Variants in FREM1 observed in about 807,000 individuals in gnomAD.
FREM1 encodes FRAS1 related extracellular matrix 1.
FREM1 carries 220 observed loss-of-function variants against 210.1 expected under a neutral mutation model. The observed-to-expected ratio is 1.05, with a 90% CI of 0.94 to 1.17. The LOEUF (loss-of-function observed/expected upper bound fraction) is 1.17, where lower values mean the gene tolerates loss of function less well. Ranked by LOEUF, FREM1 falls within the 50% of genes most tolerant of loss-of-function variation. The probability of loss-of-function intolerance (pLI) is 0.00; values close to 1 mark genes in which losing one functional copy is unlikely to be tolerated. For missense variants in FREM1, 3,454 were observed against 2,675.5 expected (o/e 1.29, Z -6.42); for synonymous variants, 1,189 against 980.2 (o/e 1.21, Z -3.98).
intron 19 of FREM1, among the ~76,000 whole-genome samples, chr9:14,804,236 A>G (rs1431381183): frequency 6.6e-6 from 1 of 152,184 alleles, no homozygotes; most frequent in Non-Finnish European, 1.5e-5. Context: ...CCCGTAACAC[A>G]CAGGACTTCA....
chr9:14,813,785 C>T (rs899580148), intron 15 of FREM1, among the ~76,000 whole-genome samples: 3 of 152,192 alleles, frequency 2.0e-5, no homozygotes, highest in Admixed American at 2.0e-4. Context: ...GACAACCCCC[C>T]TCTGAGTTCA....
rs12236637 is a variant in FREM1, at chr9:14,826,642, G to T, written c.1882-1650C>A. On this transcript the variant is annotated intron_variant, in intron 10 of 36. Transcript: ENST00000380880. Reference sequence around the variant, plus strand: ...TTGTGTTTTCTCTGGAATTTAAGTTGAAACTTAATTTCCAATACAAGATTA... The same window carrying T: ...TTGTGTTTTCTCTGGAATTTAAGTTTAAACTTAATTTCCAATACAAGATTA... 1.4e-3 allele frequency among the ~76,000 whole-genome samples: 212 copies of T among 152,198 alleles called. 4 individuals carry two copies. In the East Asian group the frequency reaches 0.035, roughly 25 times the overall value.
At chr9:14,888,156 A>G (rs953992376) in intron 1 of FREM1, among the ~76,000 whole-genome samples, 1 of 152,162 alleles carries the variant, frequency 6.6e-6, no homozygotes, top group Non-Finnish European at 1.5e-5. Context: ...TACTTTACAT[A>G]TATTATATTG....
At chr9:14,769,295 G>C (rs145966222) in intron 27 of FREM1, among the ~76,000 whole-genome samples, 1 of 152,098 alleles carries the variant, frequency 6.6e-6, no homozygotes, top group Non-Finnish European at 1.5e-5. Context: ...GAAGATGTTT[G>C]GCTAACTCTT....
chr9:14,792,784 C>A lies in FREM1; in HGVS notation c.3940G>T (p.Val1314Leu), dbSNP rs1851655511. 2.5e-6 allele frequency: 4 copies of A among 1,606,128 alleles called. No individual in the cohort carries two copies. The highest frequency in any genetic ancestry group is 3.4e-6 in the Non-Finnish European group (4 of 1,176,862). Residue 1314 changes from valine to leucine, a missense_variant, in exon 22 of 37, where the codon GTA (valine) becomes TTA (leucine). Physicochemically the swap from Val to Leu is conservative, Grantham distance 32. Coordinates refer to ENST00000380880, the MANE Select transcript of FREM1 (RefSeq NM_001379081.2). ...CCATTTTGGGGAAGCCTTTCAAATA[C>A]ATAGTAAATCTTCTCCCTGGGTGAG... ...EDSPREKIYY[V>L]FERLPQNGQL...
chr9:14,798,152 A>C (rs1362051075), intron 20 of FREM1, among the ~76,000 whole-genome samples: 1 of 152,204 alleles, frequency 6.6e-6, no homozygotes, highest in African/African-American at 2.4e-5. Flanking sequence ...TCACATTTTC[A>C]AAACTTACTT....
Position 14,843,469 on chromosome 9 carries a change from C to G in FREM1, c.1394-809G>C, listed in dbSNP as rs751768626. Among the ~76,000 whole-genome samples, 22 of 151,682 alleles carry G rather than the reference C, an allele frequency of 1.5e-4. 1 individual carries two copies. Among genetic ancestry groups the G allele is most frequent in the Admixed American group, 5.3e-4 (8 of 15,220 alleles). ...GCCTCCGCAATTACATAAGCCAATT[C>G]CCAGAATAAATCACCTCATAGATAG... On this transcript the variant is annotated intron_variant, in intron 8 of 36. Coordinates refer to ENST00000380880, the MANE Select transcript of FREM1 (RefSeq NM_001379081.2).
chr9:14,820,303 C>A (rs971611250), intron 13 of FREM1, among the ~76,000 whole-genome samples: 1 of 152,148 alleles, frequency 6.6e-6, no homozygotes, highest in Non-Finnish European at 1.5e-5. Context: ...TGTATTGCTA[C>A]GCAGAAGTGA....
intron 1 of FREM1, among the ~76,000 whole-genome samples, chr9:14,873,858 G>T (rs1833192343): frequency 6.6e-6 from 1 of 151,980 alleles, no homozygotes; most frequent in South Asian, 2.1e-4. Context: ...AGAGATTCTG[G>T]TATGTTTTGT....
At chr9:14,738,371 T>C (rs200758599) in intron 36 of FREM1, among the ~76,000 whole-genome samples, 3 of 151,740 alleles carry the variant, frequency 2.0e-5, no homozygotes, top group African/African-American at 4.8e-5. Flanking sequence ...CATTTTACCT[T>C]CCCCAACTGT....
chr9:14,876,568 A>C (rs1419669747), intron 1 of FREM1, among the ~76,000 whole-genome samples: 1 of 152,168 alleles, frequency 6.6e-6, no homozygotes, highest in Non-Finnish European at 1.5e-5. Flanking sequence ...CCAATCTTCC[A>C]GGTGCCGTCT....
At chr9:14,841,695 T>C (rs973080776) in intron 9 of FREM1, 106 bp from the exon 10 acceptor site, 6 of 728,284 alleles carry the variant, frequency 8.2e-6, no homozygotes, top group Non-Finnish European at 1.0e-5. Flanking sequence ...TAGTACATTC[T>C]ATGTACCCAA....
chr9:14,758,190 G>C (rs1192324299), intron 28 of FREM1, among the ~76,000 whole-genome samples: 2 of 152,166 alleles, frequency 1.3e-5, no homozygotes, highest in Non-Finnish European at 2.9e-5. Context: ...GCTCAGGGTA[G>C]AGTTGTCCTG....
chr9:14,779,825 C>T (rs1849363493), intron 24 of FREM1, among the ~76,000 whole-genome samples: 1 of 152,168 alleles, frequency 6.6e-6, no homozygotes, highest in Non-Finnish European at 1.5e-5. Context: ...CAGTGCTGAC[C>T]TAAAGCTAAT....
At position 14,740,166 on chromosome 9, in the gene FREM1, C is replaced by T. The variant is rs751365020; in HGVS notation, c.6323G>A (p.Arg2108Lys). The change falls in exon 36 of 37, where the codon AGA becomes AAA. Residue 2108 changes from arginine (R) to lysine (K), a missense_variant. Physicochemically the swap from Arg to Lys is conservative, Grantham distance 26 (BLOSUM62 2). Coordinates refer to ENST00000380880, the MANE Select transcript of FREM1 (RefSeq NM_001379081.2). ...ATACTTGCCTATCCAAAAGGACTTTCTCCCACCAATGTCCCAGAGCCACCG... is the reference window on the plus strand; with the variant it reads ...ATACTTGCCTATCCAAAAGGACTTTTTCCCACCAATGTCCCAGAGCCACCG... Reference protein sequence around the residue: ...HMRWLWDIGGRKSFWIGLNDQ... With the variant: ...HMRWLWDIGGKKSFWIGLNDQ... 4 of 1,612,504 alleles carry T rather than the reference C, an allele frequency of 2.5e-6. No homozygotes were observed. Among genetic ancestry groups the T allele is most frequent in the Non-Finnish European group, 2.5e-6 (3 of 1,178,944 alleles).
chr9:14,836,612 A>G lies in FREM1; in HGVS notation c.1881+4835T>C, dbSNP rs1418236872. On this transcript the variant is annotated intron_variant, in intron 10 of 36. Coordinates refer to ENST00000380880, the MANE Select transcript of FREM1 (RefSeq NM_001379081.2). The surrounding 1 kb of genome is among the most constrained non-coding windows in gnomAD (Gnocchi z 4.9). ...CTTTATTAAGCCCTCTCTTGCTTATATGTCTTGAATTGATATTTGGACGTT... is the reference window on the plus strand; with the variant it reads ...CTTTATTAAGCCCTCTCTTGCTTATGTGTCTTGAATTGATATTTGGACGTT... 6.6e-6 allele frequency among the ~76,000 whole-genome samples: 1 copy of G among 152,162 alleles called. No homozygotes were observed. The highest frequency in any genetic ancestry group is 1.5e-5 in the Non-Finnish European group (1 of 68,020).
At chr9:14,816,596 A>G (rs1392259962) in intron 15 of FREM1, among the ~76,000 whole-genome samples, 182 bp downstream of exon 15, 3 of 152,062 alleles carry the variant, frequency 2.0e-5, no homozygotes, top group African/African-American at 2.4e-5. Context: ...CCCTTCCATC[A>G]TAGGGTGATG....
intron 1 of FREM1, among the ~76,000 whole-genome samples, chr9:14,891,713 T>G (rs755143185): frequency 4.6e-5 from 7 of 152,106 alleles, no homozygotes; most frequent in Non-Finnish European, 8.8e-5. Flanking sequence ...AAAGAAAAAT[T>G]AGTATTGAGA....
At chr9:14,813,618 C>T (rs1819780310) in intron 15 of FREM1, among the ~76,000 whole-genome samples, 1 of 152,138 alleles carries the variant, frequency 6.6e-6, no homozygotes, top group South Asian at 2.1e-4. Context: ...TCAATCAATG[C>T]CAGGTTTCAT....
Sources: gnomAD v4.1 joint callset for allele counts (sites outside exome capture counted in the v4.1 genomes callset) on GRCh38, gnomAD v4.1.1 for gene constraint, Gnocchi (gnomAD v3.1) non-coding constraint, MANE v1.5 for transcripts, NCBI Gene and HGNC (gene_info 2026-07-23, HGNC 2026-07-21) for gene names.